Variants in CSMD1 observed in about 807,000 individuals in gnomAD.
CSMD1 encodes the protein CUB and sushi domain-containing protein 1.
A neutral mutation model predicts 417.5 loss-of-function variants in CSMD1; 213 were observed. That is an observed-to-expected ratio of 0.51 (90% CI 0.46 to 0.57). The LOEUF (loss-of-function observed/expected upper bound fraction) is 0.57, where lower values mean the gene tolerates loss of function less well. Among genes scored for constraint, CSMD1 ranks in the 20% least tolerant of loss-of-function variants. The pLI is 0.00. For missense variants in CSMD1, 6,923 were observed against 4,529.7 expected (o/e 1.53, Z -15.17); for synonymous variants, 2,862 against 1,736.8 (o/e 1.65, Z -16.11).
chr8:4,102,573 G>T (rs540260791), intron 3 of CSMD1, among the ~76,000 whole-genome samples: 1 of 150,030 alleles, frequency 6.7e-6, no homozygotes, highest in East Asian at 1.9e-4. Context: ...CTGACTCCCA[G>T]GCTGAAATAA....
chr8:4,594,206 T>TC (rs1800140677), intron 2 of CSMD1, among the ~76,000 whole-genome samples: 1 of 145,366 alleles, frequency 6.9e-6, no homozygotes, highest in Non-Finnish European at 1.5e-5. Flanking sequence ...TTTTTTTTTT[T>TC]TTTTTTTTTT....
At position 3,090,673 on chromosome 8, in the gene CSMD1, T is replaced by C. The variant is rs534302318; in HGVS notation, c.7285+843A>G. Reference sequence around the variant, plus strand: ...ATAAACAATCCTCCGTCAGCACATATTGTTCACTTCCCATACACAATGAGC... The same window carrying C: ...ATAAACAATCCTCCGTCAGCACATACTGTTCACTTCCCATACACAATGAGC... On this transcript the variant is annotated intron_variant, in intron 48 of 69. Coordinates refer to ENST00000635120, the MANE Select transcript of CSMD1 (RefSeq NM_033225.6). Among the ~76,000 whole-genome samples, 14 of 152,306 alleles carry C rather than the reference T, an allele frequency of 9.2e-5. No homozygotes were observed. In the South Asian group the frequency reaches 2.1e-3, roughly 23 times the overall value.
At chr8:4,434,176 A>G (rs1211032082) in intron 2 of CSMD1, among the ~76,000 whole-genome samples, 1 of 152,156 alleles carries the variant, frequency 6.6e-6, no homozygotes, top group Non-Finnish European at 1.5e-5. Flanking sequence ...AGTCTCTACT[A>G]AAAATACAGA....
At chr8:4,728,391 G>A (rs879552345) in intron 1 of CSMD1, among the ~76,000 whole-genome samples, 1 of 151,944 alleles carries the variant, frequency 6.6e-6, no homozygotes, top group Non-Finnish European at 1.5e-5. Flanking sequence ...CGTATTTAGG[G>A]GAGTTTAGTT....
At chr8:4,871,581 G>C (rs1017613983) in intron 1 of CSMD1, among the ~76,000 whole-genome samples, 7 of 151,988 alleles carry the variant, frequency 4.6e-5, no homozygotes, top group East Asian at 1.9e-4. Flanking sequence ...TTTTTGATAA[G>C]GCAAAGATCA....
At chr8:4,080,246 C>G (rs557168893) in intron 3 of CSMD1, among the ~76,000 whole-genome samples, 1 of 152,272 alleles carries the variant, frequency 6.6e-6, no homozygotes, top group East Asian at 1.9e-4. Context: ...TCATCACTGC[C>G]TGCTTTTAAA....
intron 4 of CSMD1, among the ~76,000 whole-genome samples, chr8:4,011,858 C>G (rs1048155282): frequency 1.3e-5 from 2 of 152,034 alleles, no homozygotes; most frequent in Admixed American, 6.6e-5. Context: ...GGAATTGGTT[C>G]CAGGATCCAC....
intron 21 of CSMD1, among the ~76,000 whole-genome samples, chr8:3,357,338 CTTT>C (rs1563306503): frequency 6.6e-6 from 1 of 152,164 alleles, no homozygotes; most frequent in South Asian, 2.1e-4. Context: ...TTTGTAGAGT[CTTT>C]TTGTCTTAAC....
chr8:4,414,625 G>A (rs894329162), intron 3 of CSMD1, among the ~76,000 whole-genome samples: 2 of 152,152 alleles, frequency 1.3e-5, no homozygotes, highest in Non-Finnish European at 2.9e-5. Context: ...GCATGCGTGG[G>A]TGTGTTCACT....
At chr8:4,012,848 G>T (rs138645766) in intron 4 of CSMD1, among the ~76,000 whole-genome samples, 2 of 152,026 alleles carry the variant, frequency 1.3e-5, no homozygotes, top group Non-Finnish European at 2.9e-5. Flanking sequence ...AAGACACACG[G>T]TGCCATCCAT....
At chr8:4,272,137 G>C (rs1417824243) in intron 3 of CSMD1, among the ~76,000 whole-genome samples, 1 of 152,056 alleles carries the variant, frequency 6.6e-6, no homozygotes, top group African/African-American at 2.4e-5. Flanking sequence ...CTGGACACAT[G>C]GAGTCTTACT....
At position 3,406,055 on chromosome 8, in the gene CSMD1, G is replaced by C. The variant is rs759304679; in HGVS notation, c.2238C>G (p.Val746=). The C allele has an allele frequency of 1.2e-5, 19 of 1,613,806 alleles. No individual in the cohort carries two copies. Among genetic ancestry groups the C allele is most frequent in the East Asian group, 2.2e-5 (1 of 44,870 alleles). ...ITCILQDGNV[V]WSSTVPRCEA... ...CACAGCGGGGCACGGTGGAGCTCCAGACCACGTTCCCGTCTTGCAGTATGC... is the reference window on the plus strand; with the variant it reads ...CACAGCGGGGCACGGTGGAGCTCCACACCACGTTCCCGTCTTGCAGTATGC... Residue 746 remains valine (V), a synonymous_variant, in exon 15 of 70, where the codon GTC becomes GTG. Coordinates refer to ENST00000635120, the MANE Select transcript of CSMD1 (RefSeq NM_033225.6).
At chr8:3,409,349 T>C (rs1812537027) in intron 13 of CSMD1, 74 bp downstream of exon 13, 1 of 1,365,108 alleles carries the variant, frequency 7.3e-7, no homozygotes, top group Non-Finnish European at 9.7e-7. Context: ...GGGCGGTCTG[T>C]GTCTTTCTCC....
chr8:4,290,267 A>T (rs1797286969), intron 3 of CSMD1, among the ~76,000 whole-genome samples: 1 of 152,204 alleles, frequency 6.6e-6, no homozygotes, highest in Non-Finnish European at 1.5e-5. Context: ...TGTTTGTTAG[A>T]AGAAAAGCAT....
chr8:3,817,005 T>C (rs1250300230), intron 5 of CSMD1, among the ~76,000 whole-genome samples: 1 of 152,066 alleles, frequency 6.6e-6, no homozygotes, highest in African/African-American at 2.4e-5. Context: ...TGCTTCTCAT[T>C]GTGTTGTAAA....
chr8:3,856,798 G>C (rs896529795), intron 5 of CSMD1, among the ~76,000 whole-genome samples: 1 of 152,082 alleles, frequency 6.6e-6, no homozygotes, highest in Admixed American at 6.6e-5. Context: ...TACAGATACA[G>C]GCTACTCCCT....
At chr8:4,803,499 C>T (rs1036626476) in intron 1 of CSMD1, among the ~76,000 whole-genome samples, 1 of 152,072 alleles carries the variant, frequency 6.6e-6, no homozygotes, top group East Asian at 1.9e-4. Flanking sequence ...TTGGAATCTG[C>T]CCGACATTCA....
At chr8:3,658,187 A>G (rs990895831) in intron 7 of CSMD1, among the ~76,000 whole-genome samples, 15 of 152,162 alleles carry the variant, frequency 9.9e-5, no homozygotes, top group Admixed American at 2.0e-4. Flanking sequence ...ACAATTTTCT[A>G]TGTAAACTGT....
intron 5 of CSMD1, among the ~76,000 whole-genome samples, chr8:3,977,979 C>T (rs545972413): frequency 1.3e-5 from 2 of 152,318 alleles, no homozygotes; most frequent in African/African-American, 4.8e-5. Flanking sequence ...CATCTACTAG[C>T]TCTTACCATG....
Sources: allele counts gnomAD v4.1 joint callset (sites outside exome capture counted in the v4.1 genomes callset), GRCh38; gene constraint gnomAD v4.1.1; transcripts MANE v1.5; gene names NCBI Gene and HGNC (gene_info 2026-07-23, HGNC 2026-07-21).